CTBP2: variants seen among roughly 807,000 people sequenced by gnomAD.
The protein encoded by CTBP2 is C-terminal binding protein 2.
Under a neutral mutation model 80.3 loss-of-function variants are expected in CTBP2, and 30 were observed. The ratio of observed to expected loss-of-function variants is 0.37; its 90% CI spans 0.28 to 0.51. The LOEUF (loss-of-function observed/expected upper bound fraction) is 0.51, where lower values mean the gene tolerates loss of function less well. CTBP2 is among the 20% of genes least tolerant of loss of function. The pLI, the probability that CTBP2 is intolerant of heterozygous loss-of-function variation, is 0.93. For missense variants in CTBP2, 1,212 were observed against 1,375.3 expected (o/e 0.88, Z 1.88); for synonymous variants, 594 against 587.4 (o/e 1.01, Z -0.16).
rs1450025995 is a variant in CTBP2 at position 125,087,177 on chromosome 10, C to T, written c.-102+23813G>A. Among the ~76,000 whole-genome samples, 11 of 151,244 alleles carry T rather than the reference C, an allele frequency of 7.3e-5. No individual in the cohort carries two copies. The East Asian group carries it at 1.8e-3, about 24-fold the overall frequency. The stretch of plus-strand genomic sequence containing the variant: ...GCAACTTCCAACTCCTGGGTTCAAG[C>T]GAGTCTCCCGCCTCAGCCTCCCGAG... On this transcript the variant is annotated intron_variant, in intron 2 of 10. Coordinates refer to the CTBP2 transcript ENST00000337195.
rs1185899871 is a variant in CTBP2, at chr10:125,036,703, GTGTGTGTGTGTGTT to G, written c.58+2280_58+2293del. ...TGTGTGTGTGTGTGTGTGTGTGTGT[GTGTGTGTGTGTGTT>G]TGTGTGTGTTAGATGTTCAAGGCCT... On this transcript the variant is annotated intron_variant, in intron 3 of 10. Transcript: ENST00000337195. Among the ~76,000 whole-genome samples the G allele has an allele frequency of 8.7e-4, 78 of 89,568 alleles. 2 individuals are homozygous for G. The highest frequency in any genetic ancestry group is 2.9e-3 in the African/African-American group (54 of 18,908). The allele number at this position is 89,568 out of a possible 152,430, so 58.8% of individuals were successfully genotyped here.
chr10:125,004,558 C>G (rs1954977947), intron 1 of CTBP2, among the ~76,000 whole-genome samples: 1 of 152,214 alleles, frequency 6.6e-6, no homozygotes, highest in Admixed American at 6.5e-5. Context: ...AAGAGAACAA[C>G]TACCTGAGTT....
At chr10:124,993,798 G>A in intron 6 of CTBP2, 57 bp downstream of exon 8, 9 of 1,562,300 alleles carry the variant, frequency 5.8e-6, no homozygotes, top group Non-Finnish European at 7.8e-6. Context: ...AAGTGTGGGG[G>A]TCAGGTGTGG....
At chr10:125,111,536 T>C (rs1011796230) in intron 1 of CTBP2, among the ~76,000 whole-genome samples, 3 of 152,264 alleles carry the variant, frequency 2.0e-5, no homozygotes, top group African/African-American at 2.4e-5. Flanking sequence ...TGCTGACAAC[T>C]GTTAATCTAC....
chr10:125,028,632 G>C (rs886119658), upstream of CTBP2, among the ~76,000 whole-genome samples: 1 of 152,222 alleles, frequency 6.6e-6, no homozygotes, highest in East Asian at 1.9e-4. Flanking sequence ...TCATGCTGCC[G>C]GGGGGCCGGG....
At chr10:125,063,359 C>T (rs1056839998) in intron 2 of CTBP2, among the ~76,000 whole-genome samples, 3 of 152,158 alleles carry the variant, frequency 2.0e-5, no homozygotes, top group South Asian at 2.1e-4. Flanking sequence ...TTACCCCACA[C>T]GTCATGAGGC....
In CTBP2 at chr10:124,985,952, G is replaced by A. The variant is rs558360621; in HGVS notation, c.*3566C>T. ...TGTTAGAAGGGCATGCCTTTGCTTA[G>A]GCAGATTGGGAATACCAATTCACTA... On this transcript the variant is annotated 3_prime_UTR_variant, in exon 9 of 9. Coordinates refer to ENST00000309035, the MANE Select transcript of CTBP2 (RefSeq NM_022802.3). 6.6e-6 allele frequency: 1 copy of A among 152,334 alleles called. No homozygotes were observed. Among genetic ancestry groups the A allele is most frequent in the Non-Finnish European group, 1.5e-5 (1 of 68,030 alleles). The allele number at this position is 152,334 out of a possible 1,614,324, so 9.4% of individuals were successfully genotyped here.
At chr10:125,072,903 C>A (rs146240897) in intron 2 of CTBP2, among the ~76,000 whole-genome samples, 3 of 152,232 alleles carry the variant, frequency 2.0e-5, no homozygotes, top group Non-Finnish European at 4.4e-5. Flanking sequence ...TTTACAAGGC[C>A]CCAAATCACT....
In CTBP2 at chr10:124,985,580, C is replaced by CT. The variant is rs1409638638; in HGVS notation, c.*3937dup. 6.6e-6 allele frequency: 1 copy of CT among 152,614 alleles called. No individual in the cohort carries two copies. The highest frequency in any genetic ancestry group is 1.5e-5 in the Non-Finnish European group (1 of 68,044). 9.5% of individuals were successfully genotyped at this position (152,614 alleles called of 1,614,324 possible). The stretch of plus-strand genomic sequence containing the variant: ...TTTTAGGAACAAACTGCAAGAAAAG[C>CT]TAAGAATGTTTTAGAGTGAACTAAA... On this transcript the variant is annotated 3_prime_UTR_variant, in exon 9 of 9. Transcript: ENST00000309035.
chr10:125,090,226 T>C (rs1284922327), intron 2 of CTBP2, among the ~76,000 whole-genome samples: 1 of 138,354 alleles, frequency 7.2e-6, no homozygotes, highest in Non-Finnish European at 1.5e-5. Flanking sequence ...AGGAAGAGGC[T>C]GCGGTGAGCC....
chr10:125,115,748 G>A (rs971224648), intron 1 of CTBP2, among the ~76,000 whole-genome samples: 8 of 152,148 alleles, frequency 5.3e-5, no homozygotes, highest in Non-Finnish European at 8.8e-5. Context: ...GGTCATTGAT[G>A]GTTAATGGTT....
intron 1 of CTBP2, among the ~76,000 whole-genome samples, chr10:125,141,942 G>A (rs1056891523): frequency 5.3e-5 from 8 of 152,170 alleles, no homozygotes; most frequent in African/African-American, 1.9e-4. Context: ...CTCTGGACCT[G>A]GAGCCAGCGG....
At chr10:125,007,994 T>C (rs1955452493) in intron 1 of CTBP2, among the ~76,000 whole-genome samples, 1 of 151,922 alleles carries the variant, frequency 6.6e-6, no homozygotes. Flanking sequence ...TTGCCCAGGC[T>C]GGAATGCAGT....
intron 5 of CTBP2, 102 bp from the exon 8 acceptor site, chr10:124,994,087 G>A: frequency 6.6e-7 from 1 of 1,510,212 alleles, no homozygotes; most frequent in Non-Finnish European, 9.0e-7. Context: ...TTGTTGGTCT[G>A]GTGGTTTAAT....
In CTBP2 at chr10:124,993,896, T is replaced by C. The variant is rs747643067; in HGVS notation, c.2490A>G (p.Ile830Met). The C allele has an allele frequency of 1.2e-6, 2 of 1,614,064 alleles. No homozygotes were observed. The highest frequency in any genetic ancestry group is 2.2e-5 in the East Asian group (1 of 44,876). Residue 830 changes from isoleucine to methionine, a missense_variant, in exon 6 of 9, where the codon ATA becomes ATG. By Grantham distance (10) the Ile-to-Met change is conservative. This residue lies in a region of CTBP2 where 335 missense variants were observed against 504.7 expected (regional missense o/e 0.66). Coordinates refer to ENST00000309035, the MANE Select transcript of CTBP2 (RefSeq NM_022802.3). The stretch of plus-strand genomic sequence containing the variant: ...CATGCACGTCGAGGGCTGCCCCTCG[T>C]ATCCTGCCCTCCTTGAGGGCTTGTG...
intron 1 of CTBP2, among the ~76,000 whole-genome samples, chr10:125,014,777 A>G (rs1361606041): frequency 1.3e-5 from 2 of 152,202 alleles, no homozygotes; most frequent in Non-Finnish European, 2.9e-5. Flanking sequence ...CCCAGTTCTG[A>G]GCCGTGGTGG....
At chr10:125,036,065 G>T (rs1232012375) in intron 3 of CTBP2, among the ~76,000 whole-genome samples, 1 of 152,202 alleles carries the variant, frequency 6.6e-6, no homozygotes, top group East Asian at 1.9e-4. Context: ...AGCTCATTTG[G>T]CTGGAGTCCC....
intron 2 of CTBP2, among the ~76,000 whole-genome samples, chr10:125,073,458 G>A (rs1475876701): frequency 6.6e-6 from 1 of 152,208 alleles, no homozygotes; most frequent in Non-Finnish European, 1.5e-5. Context: ...TGGCCAGGCT[G>A]GTCAACTCTT....
intron 1 of CTBP2, among the ~76,000 whole-genome samples, chr10:125,152,680 A>G (rs142597169): frequency 1.9e-3 from 295 of 152,336 alleles, no homozygotes; most frequent in African/African-American, 6.8e-3. Flanking sequence ...ACAGCAAAAT[A>G]TACTCTTTAT....
Sources: allele counts gnomAD v4.1 joint callset (sites outside exome capture counted in the v4.1 genomes callset), GRCh38; gene constraint gnomAD v4.1.1; regional missense constraint gnomAD v4.1.1; transcripts MANE v1.5; gene names NCBI Gene and HGNC (gene_info 2026-07-23, HGNC 2026-07-21).